COL2A1: variants seen among roughly 807,000 people sequenced by gnomAD.
The protein encoded by COL2A1 is collagen type II alpha 1 chain.
In COL2A1, 28 loss-of-function variants were observed where a neutral mutation model predicts 204.5. The observed-to-expected ratio is 0.14, with a 90% CI of 0.10 to 0.19. The LOEUF is 0.19. Ranked by LOEUF, COL2A1 falls within the 10% of genes least tolerant of loss-of-function variation. COL2A1 has a pLI of 1.00. For synonymous variants in COL2A1, 708 were observed against 718.7 expected (o/e 0.99, Z 0.24); for missense variants, 1,388 against 2,027.5 (o/e 0.68, Z 6.06).
In COL2A1 at chr12:47,984,067, G is replaced by A. The variant is rs1164244959; in HGVS notation, c.1941+20C>T. On this transcript the variant is annotated intron_variant, in intron 29 of 53. Coordinates refer to ENST00000380518, the MANE Select transcript of COL2A1 (RefSeq NM_001844.5). ...GCCCCTGCCCCCAGGGCCACCTGGG[G>A]AGGCTGGGCAGGTACTTACAGCAGG... is the stretch of plus-strand genomic sequence containing the variant. 6.2e-7 allele frequency: 1 copy of A among 1,608,610 alleles called. No homozygotes were observed. The highest frequency in any genetic ancestry group is 1.1e-5 in the South Asian group (1 of 89,948).
At position 47,978,687 on chromosome 12, in the gene COL2A1, G is replaced by A. The variant is rs948633441; in HGVS notation, c.2805C>T (p.Ser935=). ...GTTCACCAGCTCGGCCAGGGGGGCC[G>A]CTGTCTCCTCGAGCACCTTTGGGAC... ...KDGPKGARGD[S]GPPGRAGEPG... Residue 935 remains serine, a synonymous_variant, in exon 42 of 54, where the codon AGC becomes AGT. Coordinates refer to ENST00000380518, the MANE Select transcript of COL2A1 (RefSeq NM_001844.5). The surrounding 1 kb of genome is among the most constrained non-coding windows in gnomAD (Gnocchi z 5.5). 3.7e-6 allele frequency: 6 copies of A among 1,613,158 alleles called. No homozygotes were observed. The highest frequency in any genetic ancestry group is 3.3e-5 in the South Asian group (3 of 91,088).
Position 48,003,509 on chromosome 12 carries a change from C to T in COL2A1, c.85+728G>A, listed in dbSNP as rs537751967. 2.6e-5 allele frequency among the ~76,000 whole-genome samples: 4 copies of T among 152,258 alleles called. No homozygotes were observed. In the South Asian group the frequency reaches 6.2e-4, roughly 24 times the overall value. ...TGTTATCGTCTTTCAGATGGCCTCT[C>T]CTACTGGAAGTTTCTGTACCCTTTA... On this transcript the variant is annotated intron_variant, in intron 1 of 53. Coordinates refer to ENST00000380518, the MANE Select transcript of COL2A1 (RefSeq NM_001844.5).
At position 47,980,361 on chromosome 12, in the gene COL2A1, T is replaced by C. The variant is rs1259616234; in HGVS notation, c.2625+193A>G. Among the ~76,000 whole-genome samples the C allele has an allele frequency of 2.0e-5, 3 of 152,078 alleles. No homozygotes were observed. The highest frequency in any genetic ancestry group is 6.5e-5 in the Admixed American group (1 of 15,276). On this transcript the variant is annotated intron_variant, in intron 39 of 53. Transcript: ENST00000380518. This position sits in a 1 kb window ranked among gnomAD's most constrained non-coding sequence, Gnocchi z 4.5. ...TCAGCAGCTTGGTTCTGGCTGGCTG[T>C]GGCCAGCCTGTACTCTGTCAGTCCC...
intron 1 of COL2A1, among the ~76,000 whole-genome samples, chr12:48,001,961 C>T (rs1273223046): frequency 6.6e-6 from 1 of 152,042 alleles, no homozygotes; most frequent in Non-Finnish European, 1.5e-5. Context: ...GCTTCACCGC[C>T]GCTCTGCGCA....
At chr12:47,994,147 G>T in intron 12 of COL2A1, 100 bp from the exon 13 acceptor site, 1 of 1,343,618 alleles carries the variant, frequency 7.4e-7, no homozygotes, top group Non-Finnish European at 1.1e-6. Flanking sequence ...GGCCACCAGG[G>T]CGTTGTCTCG....
chr12:47,975,920 G>T, intron 50 of COL2A1, 43 bp downstream of exon 50: 1 of 1,464,674 alleles, frequency 6.8e-7, no homozygotes, highest in Non-Finnish European at 9.6e-7. Flanking sequence ...CCTCCCGGAT[G>T]GTAGGGACAC....
intron 2 of COL2A1, 109 bp downstream of exon 2, chr12:47,999,810 G>T: frequency 1.1e-6 from 1 of 952,084 alleles, no homozygotes; most frequent in Non-Finnish European, 1.7e-6. Flanking sequence ...CAGGTCCCAT[G>T]GATAACTAGC....
At chr12:47,975,248 C>T (rs1235450078) in intron 51 of COL2A1, 69 bp downstream of exon 51, 2 of 1,589,166 alleles carry the variant, frequency 1.3e-6, no homozygotes, top group East Asian at 2.3e-5. Flanking sequence ...GGCATCTCCT[C>T]CCTTGCTGCT....
chr12:48,004,457 G>C lies in COL2A1; in HGVS notation c.-136C>G. ...GCAGGAGGGGGAAGCGGGAGACCCG[G>C]CAGCCCAGCAGCGCTCTGCGTCTTC... is the stretch of plus-strand genomic sequence containing the variant. On this transcript the variant is annotated 5_prime_UTR_variant, in exon 1 of 54. Coordinates refer to ENST00000380518, the MANE Select transcript of COL2A1 (RefSeq NM_001844.5). 1.7e-6 allele frequency: 1 copy of C among 577,412 alleles called. No individual in the cohort carries two copies. The highest frequency in any genetic ancestry group is 3.1e-6 in the Non-Finnish European group (1 of 325,192). The allele number at this position is 577,412 out of a possible 1,614,324, so 35.8% of individuals were successfully genotyped here. A position where few individuals can be genotyped will look rare whatever the true frequency, so the allele number is the denominator to read the frequency against.
intron 27 of COL2A1, 129 bp from the exon 28 acceptor site, chr12:47,984,728 C>T: frequency 1.1e-6 from 1 of 913,752 alleles, no homozygotes; most frequent in South Asian, 1.4e-5. Flanking sequence ...AAGTATCAGC[C>T]CTTCTCTTCT....
At position 47,976,766 on chromosome 12, in the gene COL2A1, T is replaced by G; in HGVS notation, c.3435+46A>C. On this transcript the variant is annotated intron_variant, in intron 48 of 53. Coordinates refer to ENST00000380518, the MANE Select transcript of COL2A1 (RefSeq NM_001844.5). The surrounding 1 kb of genome is among the most constrained non-coding windows in gnomAD (Gnocchi z 4.3). ...GCACAGGGAGCTCAAGTGGGCTCTG[T>G]GTGGCAGGAGGCCTCGGGAAGTCCC... 6.4e-7 allele frequency: 1 copy of G among 1,553,590 alleles called. No homozygotes were observed. The highest frequency in any genetic ancestry group is 8.8e-7 in the Non-Finnish European group (1 of 1,132,854).
intron 36 of COL2A1, 25 bp from the exon 37 acceptor site, chr12:47,981,421 G>T: frequency 1.2e-6 from 2 of 1,601,900 alleles, no homozygotes; most frequent in Non-Finnish European, 1.7e-6. Flanking sequence ...GGGAGGAAGA[G>T]CTGGGGTAAG....
chr12:47,994,620 G>A (rs1477502163), intron 11 of COL2A1, 143 bp from the exon 12 acceptor site: 5 of 829,608 alleles, frequency 6.0e-6, no homozygotes, highest in Admixed American at 4.0e-5. Context: ...CAGACTCCAC[G>A]TGCCTGGATG....
rs776744207 is a variant in COL2A1, at chr12:48,000,054, G to A, written c.157C>T (p.Arg53Trp). 10 of 1,613,934 alleles carry A rather than the reference G, an allele frequency of 6.2e-6. No individual in the cohort carries two copies. Among genetic ancestry groups the A allele is most frequent in the Admixed American group, 1.7e-5 (1 of 60,008 alleles). The stretch of plus-strand genomic sequence containing the variant: ...GTCCCAGTGTCACAGACACAGATCC[G>A]GCAGGGCTCCGGCTTCCACACATCC... ...DKDVWKPEPC[R>W]ICVCDTGTVL... Residue 53 changes from arginine (R) to tryptophan (W), a missense_variant, in exon 2 of 54, where the codon CGG (arginine) becomes TGG (tryptophan). Transcript: ENST00000380518.
Position 47,985,387 on chromosome 12 carries a change from C to T in COL2A1, c.1734+147G>A. The T allele has an allele frequency of 5.8e-6, 5 of 865,082 alleles. No homozygotes were observed. The South Asian group carries it at 7.2e-5, about 12-fold the overall frequency. The allele number at this position is 865,082 out of a possible 1,614,324, so 53.6% of individuals were successfully genotyped here. On this transcript the variant is annotated intron_variant, in intron 26 of 53. Coordinates refer to ENST00000380518, the MANE Select transcript of COL2A1 (RefSeq NM_001844.5). The stretch of plus-strand genomic sequence containing the variant: ...CAGCTACTGCACAGGTTACATCTGG[C>T]CCCAGTGCCTACCATCTACCCCCTG...
rs1320447854 is a variant in COL2A1, at chr12:47,980,255, CT to C, written c.2626-194del. 1.3e-5 allele frequency among the ~76,000 whole-genome samples: 2 copies of C among 152,190 alleles called. No homozygotes were observed. Among genetic ancestry groups the C allele is most frequent in the Non-Finnish European group, 2.9e-5 (2 of 68,008 alleles). On this transcript the variant is annotated intron_variant, in intron 39 of 53. Coordinates refer to ENST00000380518, the MANE Select transcript of COL2A1 (RefSeq NM_001844.5). This position sits in a 1 kb window ranked among gnomAD's most constrained non-coding sequence, Gnocchi z 4.5. ...AGGAGACTTGTGTTCTAGGAGAAGC[CT>C]GTCAGGCAACCACAGAACCGGTCTG... is the stretch of plus-strand genomic sequence containing the variant.
intron 40 of COL2A1, 63 bp downstream of exon 40, chr12:47,979,946 G>T: frequency 7.0e-7 from 1 of 1,423,500 alleles, no homozygotes; most frequent in Non-Finnish European, 9.6e-7. Context: ...CCCCCGCCAT[G>T]GGAGCCTCTG....
chr12:48,001,709 C>G (rs1181097075), intron 1 of COL2A1, among the ~76,000 whole-genome samples: 1 of 152,204 alleles, frequency 6.6e-6, no homozygotes, highest in Non-Finnish European at 1.5e-5. Context: ...ACACGGCTCG[C>G]TCACAGACAC....
At chr12:47,988,751 C>T (rs895563323) in intron 18 of COL2A1, among the ~76,000 whole-genome samples, 8 of 152,238 alleles carry the variant, frequency 5.3e-5, no homozygotes, top group African/African-American at 1.7e-4. Context: ...CAGAGAACTC[C>T]GTTAACATGG....
Sources: allele counts gnomAD v4.1 joint callset (sites outside exome capture counted in the v4.1 genomes callset), GRCh38; gene constraint gnomAD v4.1.1; non-coding constraint Gnocchi (gnomAD v3.1); transcripts MANE v1.5; gene names NCBI Gene and HGNC (gene_info 2026-07-23, HGNC 2026-07-21).